The following TVP23C variants were observed in gnomAD, a reference collection of about 807,000 sequenced individuals.
TVP23C encodes Golgi apparatus membrane protein TVP23 homolog C.
Under a neutral mutation model 28.7 loss-of-function variants are expected in TVP23C, and 19 were observed. The ratio of observed to expected loss-of-function variants is 0.66; its 90% CI spans 0.46 to 0.97. The LOEUF (loss-of-function observed/expected upper bound fraction) is 0.97, where lower values mean the gene tolerates loss of function less well. Ranked by LOEUF, TVP23C falls within the 50% of genes least tolerant of loss-of-function variation. TVP23C has a pLI of 0.00. For synonymous variants in TVP23C, 68 were observed against 81.7 expected, an observed-to-expected ratio of 0.83 and a Z score of 0.90; for missense variants, 186 against 241.3, an observed-to-expected ratio of 0.77 and a Z score of 1.52.
At chr17:15,527,893 T>C (rs3852809) in intron 5 of TVP23C, among the ~76,000 whole-genome samples, 39,513 of 152,114 alleles carry the variant, frequency 0.26, 5,858 homozygotes, top group African/African-American at 0.41. Context: ...TAACAGAATG[T>C]TCACACAAAA....
At chr17:15,561,904 G>A (rs1041450593) in intron 1 of TVP23C, among the ~76,000 whole-genome samples, 4 of 152,118 alleles carry the variant, frequency 2.6e-5, no homozygotes, top group African/African-American at 7.2e-5. Context: ...TGCAATAAAG[G>A]AGCCAACCAA....
chr17:15,530,078 C>T (rs1308225584), intron 5 of TVP23C, among the ~76,000 whole-genome samples: 1 of 152,092 alleles, frequency 6.6e-6, no homozygotes, highest in African/African-American at 2.4e-5. Flanking sequence ...GGATTACAGG[C>T]GTGAGCCACT....
At chr17:15,504,843 A>G (rs993514761) in intron 5 of TVP23C, among the ~76,000 whole-genome samples, 9 of 152,118 alleles carry the variant, frequency 5.9e-5, no homozygotes, top group African/African-American at 2.2e-4. Flanking sequence ...ACGGAGGATG[A>G]GGTTTATAAG....
At chr17:15,523,904 C>T (rs954180464) in intron 5 of TVP23C, among the ~76,000 whole-genome samples, 179 of 152,164 alleles carry the variant, frequency 1.2e-3, no homozygotes, top group African/African-American at 4.0e-3. Context: ...TGAGCCACCG[C>T]GCCCAGCCGC....
At chr17:15,548,107 T>C (rs1983723523) in intron 3 of TVP23C, among the ~76,000 whole-genome samples, 1 of 151,516 alleles carries the variant, frequency 6.6e-6, no homozygotes, top group African/African-American at 2.4e-5. Flanking sequence ...GGCATTTTTT[T>C]ATTTTGTACT....
chr17:15,518,781 C>T (rs916953196), intron 5 of TVP23C, among the ~76,000 whole-genome samples: 3 of 152,158 alleles, frequency 2.0e-5, no homozygotes, highest in African/African-American at 7.2e-5. Flanking sequence ...GAGGAGAACA[C>T]TAGATGAAGG....
chr17:15,511,142 A>G (rs1049879095), intron 5 of TVP23C, among the ~76,000 whole-genome samples: 1 of 152,020 alleles, frequency 6.6e-6, no homozygotes, highest in Non-Finnish European at 1.5e-5. Flanking sequence ...TGCATTTCAT[A>G]GCTAGGGAAA....
At chr17:15,509,757 T>C (rs1256474592) in intron 5 of TVP23C, among the ~76,000 whole-genome samples, 1 of 152,198 alleles carries the variant, frequency 6.6e-6, no homozygotes, top group African/African-American at 2.4e-5. Flanking sequence ...CAAGCTCTAG[T>C]TCAGATCCTC....
chr17:15,556,304 TC>T (rs1374440343), intron 1 of TVP23C, among the ~76,000 whole-genome samples: 1 of 151,710 alleles, frequency 6.6e-6, no homozygotes, highest in East Asian at 1.9e-4. Flanking sequence ...AGAACCCTGA[TC>T]CTGAATCTCC....
rs1329652699 is a variant in TVP23C, at chr17:15,538,961, G to A, written c.*1451C>T. On this transcript the variant is annotated 3_prime_UTR_variant, in exon 6 of 6. Transcript: ENST00000518321. ...CATCTTCTGTGAGAGAAACTGTACA[G>A]TAGAATAAAAAGAACAATAAATTTT... 1 of 985,784 alleles carries A rather than the reference G, an allele frequency of 1.0e-6. No individual in the cohort carries two copies. The highest frequency in any genetic ancestry group is 1.2e-6 in the Non-Finnish European group (1 of 829,882). The allele number at this position is 985,784 out of a possible 1,614,324, so 61.1% of individuals were successfully genotyped here.
chr17:15,520,801 T>TA (rs532802444), intron 5 of TVP23C, among the ~76,000 whole-genome samples: 88 of 152,078 alleles, frequency 5.8e-4, no homozygotes, highest in African/African-American at 2.0e-3. Context: ...CAGTAACGCA[T>TA]AAAAAAACAT....
chr17:15,553,704 CACG>C lies in TVP23C; in HGVS notation c.218_220del (p.Ser73del). The C allele has an allele frequency of 6.2e-7, 1 of 1,609,364 alleles. No homozygotes were observed. Among genetic ancestry groups the C allele is most frequent in the Non-Finnish European group, 8.5e-7 (1 of 1,178,724 alleles). ...AATTACCTTCACTGCCCAAAAGTCA[CACG>C]ACAACAACAAGATAATTGTAACCAT... is the stretch of plus-strand genomic sequence containing the variant. On this transcript the variant is annotated inframe_deletion, in exon 3 of 6. Transcript: ENST00000518321.
intron 3 of TVP23C, among the ~76,000 whole-genome samples, chr17:15,552,998 C>T (rs1983962587): frequency 6.6e-6 from 1 of 151,628 alleles, no homozygotes; most frequent in African/African-American, 2.4e-5. Flanking sequence ...TCTTACACTC[C>T]TTTCTATCCC....
chr17:15,510,795 A>T (rs1053479549), intron 5 of TVP23C, among the ~76,000 whole-genome samples: 4 of 152,170 alleles, frequency 2.6e-5, no homozygotes, highest in Non-Finnish European at 4.4e-5. Flanking sequence ...GCAGTGGCTC[A>T]TGCCTGTAAT....
At position 15,554,236 on chromosome 17, in the gene TVP23C, CT is replaced by C. The variant is rs60423951; in HGVS notation, c.96-408del. Among the ~76,000 whole-genome samples, 228 of 125,372 alleles carry C rather than the reference CT, an allele frequency of 1.8e-3. 4 individuals are homozygous for C. Among genetic ancestry groups the C allele is most frequent in the African/African-American group, 5.2e-3 (177 of 33,920 alleles). 82.2% of individuals were successfully genotyped at this position (125,372 alleles called of 152,430 possible). A position where few individuals can be genotyped will look rare whatever the true frequency, so the allele number is the denominator to read the frequency against. On this transcript the variant is annotated intron_variant, in intron 2 of 5. Coordinates refer to ENST00000518321, the MANE Select transcript of TVP23C (RefSeq NM_001135036.2). The stretch of plus-strand genomic sequence containing the variant: ...AAGTTATCAGGTAGTTTGTTTGTTT[CT>C]TTTTTTTTTTTTTTTTTTGAGACGG...
intron 5 of TVP23C, among the ~76,000 whole-genome samples, chr17:15,523,084 A>G (rs1982551051): frequency 6.6e-6 from 1 of 151,344 alleles, no homozygotes; most frequent in Non-Finnish European, 1.5e-5. Flanking sequence ...ATCTCGGCTC[A>G]CTGCAACTTC....
At chr17:15,552,351 T>C (rs1417538028) in intron 3 of TVP23C, among the ~76,000 whole-genome samples, 1 of 152,200 alleles carries the variant, frequency 6.6e-6, no homozygotes, top group Non-Finnish European at 1.5e-5. Context: ...CTACGGAAAC[T>C]GGCCATCACC....
intron 5 of TVP23C, among the ~76,000 whole-genome samples, chr17:15,542,334 G>A (rs1239714639): frequency 4.6e-5 from 7 of 152,218 alleles, no homozygotes; most frequent in Admixed American, 1.3e-4. Flanking sequence ...GGCAGGAGAC[G>A]AAGCGCAGAA....
chr17:15,537,293 A>G lies in TVP23C; in HGVS notation c.*3119T>C, dbSNP rs1983195437. The G allele has an allele frequency of 2.7e-6, 2 of 742,958 alleles. No homozygotes were observed. 46.0% of individuals were successfully genotyped at this position (742,958 alleles called of 1,614,324 possible). A position where few individuals can be genotyped will look rare whatever the true frequency, so the allele number is the denominator to read the frequency against. On this transcript the variant is annotated 3_prime_UTR_variant, in exon 6 of 6. Coordinates refer to ENST00000518321, the MANE Select transcript of TVP23C (RefSeq NM_001135036.2). ...TATAGCAAGAAAAAAATAGATTCAGAAAATAAAATGTCTTTTAGGCATTTA... is the reference window on the plus strand; with the variant it reads ...TATAGCAAGAAAAAAATAGATTCAGGAAATAAAATGTCTTTTAGGCATTTA...
Sources: gnomAD v4.1 joint callset for allele counts (sites outside exome capture counted in the v4.1 genomes callset) on GRCh38, gnomAD v4.1.1 for gene constraint, MANE v1.5 for transcripts, NCBI Gene and HGNC (gene_info 2026-07-23, HGNC 2026-07-21) for gene names.